NCK2: variants seen among roughly 807,000 people sequenced by gnomAD.
The protein encoded by NCK2 is NCK adaptor protein 2.
Under a neutral mutation model 33.9 loss-of-function variants are expected in NCK2, and 16 were observed. The ratio of observed to expected loss-of-function variants is 0.47; its 90% CI spans 0.32 to 0.72. NCK2 has a LOEUF of 0.72. NCK2 is among the 30% of genes least tolerant of loss of function. The pLI is 0.03. For missense variants in NCK2, 418 were observed against 537.3 expected (o/e 0.78, Z 2.19); for synonymous variants, 273 against 239.9 (o/e 1.14, Z -1.27).
intron 1 of NCK2, among the ~76,000 whole-genome samples, chr2:105,770,289 A>G (rs972131685): frequency 2.6e-5 from 4 of 152,224 alleles, no homozygotes; most frequent in African/African-American, 9.6e-5. Context: ...CTTTAAGAGC[A>G]TGATTGAAAT....
At chr2:105,769,610 T>G (rs10168944) in intron 1 of NCK2, among the ~76,000 whole-genome samples, 2 of 152,000 alleles carry the variant, frequency 1.3e-5, no homozygotes, top group Non-Finnish European at 2.9e-5. Flanking sequence ...GTGGGTGACC[T>G]ACTGCACTGC....
At chr2:105,806,099 A>C (rs1302250343) in intron 1 of NCK2, among the ~76,000 whole-genome samples, 2 of 151,996 alleles carry the variant, frequency 1.3e-5, no homozygotes, top group East Asian at 3.9e-4. Flanking sequence ...TACTTGCAGC[A>C]TCATGTTAGT....
chr2:105,745,150 T>C lies in NCK2; in HGVS notation c.-201+12T>C, dbSNP rs7581087. On this transcript the variant is annotated intron_variant, in intron 1 of 4. Transcript: ENST00000233154. ...CGGCCCACGGCGAGGTAAGCGCGGC[T>C]AGGCGGGCGTGGGGCGGGGGCCACA... 142,698 of 149,020 alleles carry C rather than the reference T, an allele frequency of 0.96. 68,379 individuals carry two copies. The highest frequency in any genetic ancestry group is 1 in the East Asian group (5,021 of 5,022). The allele number at this position is 149,020 out of a possible 1,614,324, so 9.2% of individuals were successfully genotyped here.
intron 2 of NCK2, among the ~76,000 whole-genome samples, chr2:105,817,787 T>C (rs573785531): frequency 0.017 from 2,645 of 152,216 alleles, 40 homozygotes; most frequent in Non-Finnish European, 0.021. Context: ...CAACAGGTGC[T>C]GGAGAGGATG....
At chr2:105,815,042 C>G (rs192050854) in intron 1 of NCK2, among the ~76,000 whole-genome samples, 1 of 152,334 alleles carries the variant, frequency 6.6e-6, no homozygotes, top group African/African-American at 2.4e-5. Context: ...GAAACAAGAA[C>G]TCTTGGTCAA....
chr2:105,807,835 ATCTCTCCC>A (rs1675135484), intron 1 of NCK2, among the ~76,000 whole-genome samples: 1 of 2,544 alleles, frequency 3.9e-4, no homozygotes, highest in Non-Finnish European at 6.4e-4. Flanking sequence ...CCTCCCTTCT[ATCTCTCCC>A]TCCCTCCCTC....
intron 3 of NCK2, among the ~76,000 whole-genome samples, chr2:105,862,665 T>C (rs1363862526): frequency 6.6e-6 from 1 of 152,238 alleles, no homozygotes; most frequent in Admixed American, 6.5e-5. Flanking sequence ...GGTGAGGTGA[T>C]AGTCATGTAT....
intron 3 of NCK2, chr2:105,856,750 A>T (rs1455313689): frequency 6.6e-6 from 1 of 152,230 alleles, no homozygotes; most frequent in Non-Finnish European, 1.5e-5. Flanking sequence ...TCTCAGCCTG[A>T]TGGAGAAATT....
chr2:105,750,516 T>G (rs554251284), intron 1 of NCK2, among the ~76,000 whole-genome samples: 2 of 152,164 alleles, frequency 1.3e-5, no homozygotes, highest in Non-Finnish European at 2.9e-5. Flanking sequence ...CATCCAGATC[T>G]GGGATCTCTG....
At position 105,893,075 on chromosome 2, in the gene NCK2, C is replaced by A. The variant is rs750135733; in HGVS notation, c.1042C>A (p.Arg348Ser). The change falls in exon 5 of 5, where the codon CGC (arginine) becomes AGC (serine). Residue 348 changes from arginine to serine, a missense_variant. Transcript: ENST00000233154. The stretch of plus-strand genomic sequence containing the variant: ...CAATGTCTACTGCATTGGGCAGCGG[C>A]GCTTCCACACCATGGACGAGCTGGT... ...VDNVYCIGQR[R>S]FHTMDELVEH... 2 of 1,614,150 alleles carry A rather than the reference C, an allele frequency of 1.2e-6. No individual in the cohort carries two copies. The highest frequency in any genetic ancestry group is 1.7e-6 in the Non-Finnish European group (2 of 1,180,004).
intron 2 of NCK2, among the ~76,000 whole-genome samples, chr2:105,841,208 C>T (rs955459328): frequency 2.7e-5 from 4 of 150,424 alleles, no homozygotes; most frequent in Admixed American, 6.6e-5. Context: ...GTAACCTTTT[C>T]GCCTTAACCG....
chr2:105,847,865 A>C (rs571846261), intron 2 of NCK2, among the ~76,000 whole-genome samples: 1 of 152,292 alleles, frequency 6.6e-6, no homozygotes, highest in East Asian at 1.9e-4. Context: ...GCTAGATACA[A>C]GCTGATAGCA....
chr2:105,761,842 T>C (rs997273665), intron 1 of NCK2, among the ~76,000 whole-genome samples: 10 of 152,244 alleles, frequency 6.6e-5, no homozygotes, highest in Non-Finnish European at 1.5e-5. Flanking sequence ...ATCAGGCCCC[T>C]GTACTCCAGC....
chr2:105,865,931 T>A (rs1038587598), intron 3 of NCK2, among the ~76,000 whole-genome samples: 9 of 108,326 alleles, frequency 8.3e-5, no homozygotes, highest in East Asian at 3.0e-4. Context: ...TATTATTATT[T>A]GAGACAGAGT....
chr2:105,781,880 C>T (rs1422989856), intron 1 of NCK2, among the ~76,000 whole-genome samples: 3 of 152,182 alleles, frequency 2.0e-5, no homozygotes, highest in African/African-American at 7.2e-5. Context: ...AACTGGTATA[C>T]GTGCATATGT....
chr2:105,876,476 T>C (rs912277567), intron 3 of NCK2, among the ~76,000 whole-genome samples: 1 of 152,164 alleles, frequency 6.6e-6, no homozygotes, highest in East Asian at 1.9e-4. Context: ...TGCTAGCGAA[T>C]GTGCTCTTCC....
At chr2:105,780,657 C>T (rs1027671198) in intron 1 of NCK2, among the ~76,000 whole-genome samples, 1 of 152,118 alleles carries the variant, frequency 6.6e-6, no homozygotes, top group African/African-American at 2.4e-5. Flanking sequence ...TGAGATCCTA[C>T]CCCCCAAGGT....
chr2:105,820,578 G>T (rs541525296), intron 2 of NCK2, among the ~76,000 whole-genome samples: 1 of 152,198 alleles, frequency 6.6e-6, no homozygotes, highest in East Asian at 1.9e-4. Flanking sequence ...CTCTGACCCT[G>T]CCTTCTTTGG....
At chr2:105,821,332 G>T (rs1032200382) in intron 2 of NCK2, among the ~76,000 whole-genome samples, 12 of 152,174 alleles carry the variant, frequency 7.9e-5, no homozygotes, top group Non-Finnish European at 1.8e-4. Flanking sequence ...CTTCTGTTGA[G>T]GGTGTAGCTC....
Sources: gnomAD v4.1 joint callset for allele counts (sites outside exome capture counted in the v4.1 genomes callset) on GRCh38, gnomAD v4.1.1 for gene constraint, MANE v1.5 for transcripts, NCBI Gene and HGNC (gene_info 2026-07-23, HGNC 2026-07-21) for gene names.